Variants in LRMDA observed in about 807,000 individuals in gnomAD.
LRMDA encodes leucine rich melanocyte differentiation associated, also known as leucine-rich melanocyte differentiation-associated protein.
A neutral mutation model predicts 29.8 loss-of-function variants in LRMDA; 18 were observed. That is an observed-to-expected ratio of 0.60 (90% CI 0.42 to 0.90). The LOEUF is 0.90. Ranked by LOEUF, LRMDA falls within the 40% of genes least tolerant of loss-of-function variation. LRMDA has a pLI of 0.00. For missense variants in LRMDA, 273 were observed against 273.9 expected (o/e 1.00, Z 0.02); for synonymous variants, 125 against 109.4 (o/e 1.14, Z -0.89).
At chr10:76,505,124 A>G (rs1240738096) in intron 6 of LRMDA, among the ~76,000 whole-genome samples, 2 of 151,760 alleles carry the variant, frequency 1.3e-5, no homozygotes, top group Non-Finnish European at 2.9e-5. Context: ...AGGATACTGG[A>G]AACAGGCTCC....
chr10:75,995,859 C>A (rs901553839), intron 2 of LRMDA, among the ~76,000 whole-genome samples: 2 of 152,170 alleles, frequency 1.3e-5, no homozygotes, highest in African/African-American at 2.4e-5. Context: ...TATTTAGTGG[C>A]CTTTCTTGGA....
At chr10:76,110,730 G>T (rs796870130) in intron 5 of LRMDA, among the ~76,000 whole-genome samples, 6 of 152,270 alleles carry the variant, frequency 3.9e-5, no homozygotes, top group African/African-American at 1.4e-4. Context: ...TGTAAGAAGT[G>T]CCCTTTGCCT....
chr10:76,385,423 C>T (rs1215667362), intron 6 of LRMDA, among the ~76,000 whole-genome samples: 1 of 152,096 alleles, frequency 6.6e-6, no homozygotes, highest in East Asian at 1.9e-4. Flanking sequence ...CTGGGAGACC[C>T]CAAAAGGTAT....
intron 2 of LRMDA, among the ~76,000 whole-genome samples, chr10:75,515,859 C>A (rs1845282920): frequency 1.3e-5 from 2 of 152,108 alleles, no homozygotes; most frequent in South Asian, 4.1e-4. Flanking sequence ...CCAAGCCCCC[C>A]ACCTCCTGAC....
In LRMDA at chr10:75,589,765, A is replaced by AAAAAT. The variant is rs71024554; in HGVS notation, c.131+151272_131+151273insAAATA. The stretch of plus-strand genomic sequence containing the variant: ...GGAGATAGAGACCCTGTCTAAAAAA[A>AAAAAT]ATATATATATATAGAGAGAGAGAGA... On this transcript the variant is annotated intron_variant, in intron 2 of 6. Coordinates refer to ENST00000611255, the MANE Select transcript of LRMDA (RefSeq NM_001305581.2). 7.9e-4 allele frequency among the ~76,000 whole-genome samples: 114 copies of AAAAAT among 144,886 alleles called. No homozygotes were observed. The East Asian group carries it at 0.011, about 14-fold the overall frequency.
intron 5 of LRMDA, among the ~76,000 whole-genome samples, chr10:76,165,216 A>G (rs1165692114): frequency 6.6e-6 from 1 of 152,012 alleles, no homozygotes; most frequent in Non-Finnish European, 1.5e-5. Flanking sequence ...CAGATGATCC[A>G]TCCGCCTCGG....
chr10:76,206,228 C>T (rs1160148258), intron 5 of LRMDA, among the ~76,000 whole-genome samples: 1 of 152,168 alleles, frequency 6.6e-6, no homozygotes, highest in Non-Finnish European at 1.5e-5. Context: ...TCTCACTGTT[C>T]TCAGAACAGG....
chr10:76,367,707 C>G (rs11516636), intron 6 of LRMDA, among the ~76,000 whole-genome samples: 15,981 of 152,150 alleles, frequency 0.11, 968 homozygotes, highest in East Asian at 0.3. Context: ...CTCGGCCTCC[C>G]AAAGTGCTGG....
chr10:76,240,613 A>G (rs945389567), intron 5 of LRMDA, among the ~76,000 whole-genome samples: 8 of 150,796 alleles, frequency 5.3e-5, no homozygotes, highest in East Asian at 1.9e-4. Flanking sequence ...TGATCCAGCA[A>G]TCCCACTCCT....
intron 2 of LRMDA, among the ~76,000 whole-genome samples, chr10:75,732,345 G>A (rs754451225): frequency 5.9e-5 from 9 of 152,184 alleles, no homozygotes; most frequent in South Asian, 2.1e-4. Context: ...GGCAAGGTTC[G>A]TGCTCTCCTC....
chr10:76,533,993 C>G (rs1371728412), intron 6 of LRMDA, among the ~76,000 whole-genome samples: 1 of 152,148 alleles, frequency 6.6e-6, no homozygotes, highest in East Asian at 1.9e-4. Flanking sequence ...TAGTGGGATG[C>G]TCATTCATTG....
intron 2 of LRMDA, among the ~76,000 whole-genome samples, chr10:75,913,486 TA>T (rs1845877080): frequency 6.6e-6 from 1 of 152,092 alleles, no homozygotes; most frequent in African/African-American, 2.4e-5. Context: ...TGCCTGAAGT[TA>T]ATTTTTCTTT....
At chr10:75,965,350 G>T (rs1448759069) in intron 2 of LRMDA, among the ~76,000 whole-genome samples, 3 of 152,220 alleles carry the variant, frequency 2.0e-5, no homozygotes, top group African/African-American at 7.2e-5. Flanking sequence ...GGTAGGGGCA[G>T]TGTGGCAGGG....
chr10:75,607,789 T>TCCTAGG (rs965177488), intron 2 of LRMDA, among the ~76,000 whole-genome samples: 10 of 150,612 alleles, frequency 6.6e-5, no homozygotes, highest in Non-Finnish European at 1.2e-4. Context: ...AAATTGTGAT[T>TCCTAGG]CCTAGGCCCC....
intron 5 of LRMDA, among the ~76,000 whole-genome samples, chr10:76,223,422 C>A (rs1480630551): frequency 4.6e-5 from 7 of 152,134 alleles, no homozygotes. Flanking sequence ...AGCAGACTCC[C>A]TTGAGGCTCC....
chr10:76,410,467 C>A (rs1326709199), intron 6 of LRMDA, among the ~76,000 whole-genome samples: 2 of 151,668 alleles, frequency 1.3e-5, no homozygotes, highest in Non-Finnish European at 2.9e-5. Context: ...TACCAACATG[C>A]CTGGCTAGGT....
chr10:75,943,245 A>T (rs761229743), intron 2 of LRMDA, among the ~76,000 whole-genome samples: 26 of 152,214 alleles, frequency 1.7e-4, no homozygotes, highest in Non-Finnish European at 3.7e-4. Flanking sequence ...TATACCTTTA[A>T]GCACATTTTA....
At chr10:76,042,053 C>G (rs1386164997) in intron 3 of LRMDA, among the ~76,000 whole-genome samples, 1 of 152,172 alleles carries the variant, frequency 6.6e-6, no homozygotes, top group Admixed American at 6.5e-5. Flanking sequence ...GTGAGAAGTT[C>G]TATGTTGGAT....
At chr10:75,663,223 C>G (rs1450151949) in intron 2 of LRMDA, among the ~76,000 whole-genome samples, 1 of 152,128 alleles carries the variant, frequency 6.6e-6, no homozygotes, top group African/African-American at 2.4e-5. Flanking sequence ...CTATGTCTGC[C>G]AGCAGCTTCT....
Sources: gnomAD v4.1 joint callset for allele counts (sites outside exome capture counted in the v4.1 genomes callset) on GRCh38, gnomAD v4.1.1 for gene constraint, MANE v1.5 for transcripts, NCBI Gene and HGNC (gene_info 2026-07-23, HGNC 2026-07-21) for gene names.